The following GAD2 variants were observed in gnomAD, a reference collection of about 807,000 sequenced individuals.
The protein encoded by GAD2 is 65 kDa glutamic acid decarboxylase.
Under a neutral mutation model 80.1 loss-of-function variants are expected in GAD2, and 22 were observed. The ratio of observed to expected loss-of-function variants is 0.27; its 90% CI spans 0.20 to 0.39. The LOEUF (loss-of-function observed/expected upper bound fraction) is 0.39, where lower values mean the gene tolerates loss of function less well. GAD2 is among the 10% of genes least tolerant of loss of function. The pLI is 1.00. For synonymous variants in GAD2, 274 were observed against 256.9 expected (o/e 1.07, Z -0.64); for missense variants, 624 against 738.4 (o/e 0.85, Z 1.80).
intron 8 of GAD2, among the ~76,000 whole-genome samples, chr10:26,263,858 A>G (rs1443112641): frequency 2.0e-5 from 3 of 152,192 alleles, no homozygotes; most frequent in Non-Finnish European, 4.4e-5. Flanking sequence ...CGCTCAATCC[A>G]GGGGGCTTCC....
intron 8 of GAD2, among the ~76,000 whole-genome samples, chr10:26,255,205 C>T (rs576550513): frequency 3.0e-4 from 45 of 152,124 alleles, no homozygotes; most frequent in Non-Finnish European, 5.3e-4. Flanking sequence ...AATCAGAAAC[C>T]GGGGCCACGA....
chr10:26,226,244 C>T (rs1053336348), intron 6 of GAD2, among the ~76,000 whole-genome samples: 12 of 152,262 alleles, frequency 7.9e-5, no homozygotes, highest in East Asian at 5.8e-4. Flanking sequence ...TCTGAAAAAC[C>T]TACATGCCCC....
intron 15 of GAD2, among the ~76,000 whole-genome samples, chr10:26,293,708 A>G (rs938670725): frequency 6.6e-5 from 10 of 152,204 alleles, no homozygotes; most frequent in Admixed American, 5.9e-4. Flanking sequence ...TTGAGCTGCC[A>G]AGGTCAAGGC....
intron 11 of GAD2, among the ~76,000 whole-genome samples, chr10:26,275,880 G>A (rs760909673): frequency 6.6e-5 from 10 of 152,196 alleles, no homozygotes; most frequent in Non-Finnish European, 1.0e-4. Flanking sequence ...GGCACAAGGG[G>A]GCCGGGCACG....
intron 8 of GAD2, 112 bp from the exon 9 acceptor site, chr10:26,269,007 A>G: frequency 1.5e-6 from 1 of 666,638 alleles, no homozygotes; most frequent in Non-Finnish European, 2.6e-6. Context: ...GTTTTCTCCG[A>G]GTATTGTTAT....
chr10:26,231,817 C>G (rs1844606224), intron 7 of GAD2, among the ~76,000 whole-genome samples: 1 of 152,158 alleles, frequency 6.6e-6, no homozygotes, highest in Admixed American at 6.5e-5. Context: ...TCTTCAGAAC[C>G]AGCAGCATAG....
chr10:26,217,615 G>A lies in GAD2; in HGVS notation c.82G>A (p.Ala28Thr). The A allele has an allele frequency of 1.9e-6, 3 of 1,612,992 alleles. No individual in the cohort carries two copies. The highest frequency in any genetic ancestry group is 2.5e-6 in the Non-Finnish European group (3 of 1,179,518). ...CTGCCTATTCTTCCTTGCAGCGCGA[G>A]CCTGGTGCCAAGTGGCTCAGAAGTT... ...GDSENPGTARAWCQVAQKFTG... is the reference protein window; with the variant it reads ...GDSENPGTARTWCQVAQKFTG... The change falls in exon 2 of 16, where the codon GCC (alanine) becomes ACC (threonine). Residue 28 changes from alanine to threonine, a missense_variant. Ala to Thr is a moderately conservative substitution (Grantham distance 58). Transcript: ENST00000376261. This position sits in a 1 kb window ranked among gnomAD's most constrained non-coding sequence, Gnocchi z 4.9.
chr10:26,251,094 G>T (rs1195799919), intron 8 of GAD2, among the ~76,000 whole-genome samples: 7 of 146,602 alleles, frequency 4.8e-5, no homozygotes, highest in Non-Finnish European at 1.0e-4. Context: ...TAGAGATGGG[G>T]TTTCACTGTT....
chr10:26,218,238 C>T (rs1844406558), intron 3 of GAD2: 2 of 401,422 alleles, frequency 5.0e-6, no homozygotes, highest in South Asian at 1.7e-4. Flanking sequence ...CAGCGCGGCC[C>T]TTGGGATGGC....
chr10:26,271,696 C>A (rs1845139112), intron 10 of GAD2, among the ~76,000 whole-genome samples: 2 of 152,154 alleles, frequency 1.3e-5, no homozygotes, highest in Admixed American at 6.6e-5. Flanking sequence ...AGGGCTATAA[C>A]AATGATCTAG....
intron 7 of GAD2, among the ~76,000 whole-genome samples, chr10:26,241,566 G>C (rs1844743266): frequency 7.3e-6 from 1 of 137,182 alleles, no homozygotes; most frequent in African/African-American, 3.0e-5. Context: ...TTTTTTTTTA[G>C]AACTGAGGTG....
chr10:26,248,124 G>C (rs542921441), intron 8 of GAD2, among the ~76,000 whole-genome samples: 3 of 152,156 alleles, frequency 2.0e-5, no homozygotes, highest in Non-Finnish European at 2.9e-5. Flanking sequence ...TGGCTTGCAG[G>C]TAGGGGTTTT....
At chr10:26,294,335 G>A (rs115682851) in intron 15 of GAD2, among the ~76,000 whole-genome samples, 1 of 151,958 alleles carries the variant, frequency 6.6e-6, no homozygotes, top group Admixed American at 6.6e-5. Flanking sequence ...CTTCACTAAA[G>A]CTTTTATGTG....
chr10:26,251,266 A>G (rs151280029), intron 8 of GAD2, among the ~76,000 whole-genome samples: 223 of 151,840 alleles, frequency 1.5e-3, no homozygotes, highest in African/African-American at 5.1e-3. Flanking sequence ...ACACAAACAC[A>G]CTTAACTGTA....
intron 9 of GAD2, among the ~76,000 whole-genome samples, 165 bp from the exon 10 acceptor site, chr10:26,270,475 G>C (rs8190713): frequency 0.021 from 3,174 of 152,290 alleles, 101 homozygotes; most frequent in African/African-American, 0.07. Context: ...ATTCCAGAGA[G>C]TGAACATCAA....
At chr10:26,269,082 T>C in intron 8 of GAD2, 37 bp from the exon 9 acceptor site, 1 of 1,529,910 alleles carries the variant, frequency 6.5e-7, no homozygotes, top group Non-Finnish European at 8.9e-7. Context: ...ATGAAGCAAA[T>C]TATTCAAAGC....
At chr10:26,263,608 G>A (rs2132300235) in intron 8 of GAD2, among the ~76,000 whole-genome samples, 1 of 152,316 alleles carries the variant, frequency 6.6e-6, no homozygotes, top group East Asian at 1.9e-4. Flanking sequence ...CGCAGTCTGT[G>A]CAATTTGAAA....
At chr10:26,263,526 T>G (rs967507719) in intron 8 of GAD2, among the ~76,000 whole-genome samples, 2 of 152,190 alleles carry the variant, frequency 1.3e-5, no homozygotes, top group Admixed American at 6.5e-5. Context: ...CTGGTAATTT[T>G]TACTGCTCCT....
intron 8 of GAD2, among the ~76,000 whole-genome samples, chr10:26,261,811 T>G (rs146326407): frequency 6.6e-6 from 1 of 152,288 alleles, no homozygotes; most frequent in East Asian, 1.9e-4. Flanking sequence ...CCTTCTCTTC[T>G]GGAATGGATG....
Sources: allele counts gnomAD v4.1 joint callset (sites outside exome capture counted in the v4.1 genomes callset), GRCh38; gene constraint gnomAD v4.1.1; non-coding constraint Gnocchi (gnomAD v3.1); transcripts MANE v1.5; gene names NCBI Gene and HGNC (gene_info 2026-07-23, HGNC 2026-07-21).